The following HDLBP variants were observed in gnomAD, a reference collection of about 807,000 sequenced individuals.
The protein encoded by HDLBP is high density lipoprotein binding protein.
In HDLBP, 30 loss-of-function variants were observed where a neutral mutation model predicts 137.3. The observed-to-expected ratio is 0.22, with a 90% CI of 0.16 to 0.30. The LOEUF (loss-of-function observed/expected upper bound fraction) is 0.30, where lower values mean the gene tolerates loss of function less well. Among genes scored for constraint, HDLBP ranks in the 10% least tolerant of loss-of-function variants. HDLBP has a pLI of 1.00. For synonymous variants in HDLBP, 606 were observed against 596.0 expected (o/e 1.02, Z -0.24); for missense variants, 1,119 against 1,667.3 (o/e 0.67, Z 5.73).
intron 1 of HDLBP, among the ~76,000 whole-genome samples, chr2:241,294,507 C>G (rs2075111433): frequency 6.6e-6 from 1 of 152,138 alleles, no homozygotes; most frequent in South Asian, 2.1e-4. Flanking sequence ...GCTGCCCAGG[C>G]TGCAGTACAG....
chr2:241,284,923 G>A (rs2074746854), intron 1 of HDLBP, among the ~76,000 whole-genome samples: 2 of 152,174 alleles, frequency 1.3e-5, no homozygotes, highest in Non-Finnish European at 2.9e-5. Flanking sequence ...TGCCCAGACT[G>A]GAGTGCAGTG....
intron 1 of HDLBP, among the ~76,000 whole-genome samples, chr2:241,306,654 C>T (rs1345520488): frequency 1.3e-5 from 2 of 152,170 alleles, no homozygotes; most frequent in South Asian, 2.1e-4. Flanking sequence ...CCTATTATCA[C>T]AGCACTTCAT....
At chr2:241,308,186 G>A (rs1488107814) in intron 1 of HDLBP, among the ~76,000 whole-genome samples, 2 of 152,162 alleles carry the variant, frequency 1.3e-5, no homozygotes, top group Non-Finnish European at 1.5e-5. Context: ...CAGTGAGACA[G>A]CAATCTTGTT....
At chr2:241,307,156 AT>A (rs2075610248) in intron 1 of HDLBP, among the ~76,000 whole-genome samples, 1 of 152,156 alleles carries the variant, frequency 6.6e-6, no homozygotes, top group Admixed American at 6.5e-5. Flanking sequence ...GAAATAATCA[AT>A]ATCCTGCCTT....
At position 241,256,692 on chromosome 2, in the gene HDLBP, G is replaced by C; in HGVS notation, c.565C>G (p.Pro189Ala). 1 of 1,614,176 alleles carries C rather than the reference G, an allele frequency of 6.2e-7. No homozygotes were observed. The highest frequency in any genetic ancestry group is 2.2e-5 in the East Asian group (1 of 44,888). The change falls in exon 6 of 28, where the codon CCA (proline) becomes GCA (alanine). Residue 189 changes from proline to alanine, a missense_variant. By Grantham distance (27) the Pro-to-Ala change is conservative (BLOSUM62 -1). Coordinates refer to ENST00000310931, the MANE Select transcript of HDLBP (RefSeq NM_005336.6). ...TTGATCTGATTGCTGGGGTCATCTG[G>C]GCGTGGGATCTGGATTTTGGTTGCA... ...KTATKIQIPR[P>A]DDPSNQIKIT...
chr2:241,236,326 A>T, intron 21 of HDLBP: 1 of 438,584 alleles, frequency 2.3e-6, no homozygotes, highest in Non-Finnish European at 4.1e-6. Flanking sequence ...CCTGCAGCTG[A>T]GACCCTTCCA....
In HDLBP at chr2:241,239,499, T is replaced by C. The variant is rs79098018; in HGVS notation, c.2610+103A>G. ...CCTTCTGAAGCCTTCCAGGGCTGTA[T>C]GAGGGAGTCACCTCCCTACAGGGTG... On this transcript the variant is annotated intron_variant, in intron 19 of 27. Coordinates refer to ENST00000310931, the MANE Select transcript of HDLBP (RefSeq NM_005336.6). The surrounding 1 kb of genome is among the most constrained non-coding windows in gnomAD (Gnocchi z 4.6). 6.6e-6 allele frequency: 6 copies of C among 911,402 alleles called. No individual in the cohort carries two copies. Among genetic ancestry groups the C allele is most frequent in the African/African-American group, 1.6e-5 (1 of 61,394 alleles). The allele number at this position is 911,402 out of a possible 1,614,324, so 56.5% of individuals were successfully genotyped here.
chr2:241,288,324 C>T (rs1170962522), intron 1 of HDLBP, among the ~76,000 whole-genome samples: 2 of 152,094 alleles, frequency 1.3e-5, no homozygotes, highest in Non-Finnish European at 2.9e-5. Flanking sequence ...AAACTGAGAA[C>T]AAGATACATA....
intron 16 of HDLBP, 22 bp from the exon 17 acceptor site, chr2:241,242,700 G>C (rs771331582): frequency 6.3e-7 from 1 of 1,596,146 alleles, no homozygotes; most frequent in South Asian, 1.1e-5. Context: ...CACAGGGCAG[G>C]AGGAGGAAGT....
chr2:241,234,682 G>A (rs960451777), intron 23 of HDLBP, among the ~76,000 whole-genome samples: 14 of 152,194 alleles, frequency 9.2e-5, no homozygotes, highest in African/African-American at 2.9e-4. Context: ...TCCTTCAAAC[G>A]TCAGCCTTGC....
At chr2:241,268,227 T>G (rs2073823293) in intron 2 of HDLBP, among the ~76,000 whole-genome samples, 1 of 152,156 alleles carries the variant, frequency 6.6e-6, no homozygotes, top group African/African-American at 2.4e-5. Flanking sequence ...TGAATAAACA[T>G]AATTCACATT....
chr2:241,301,394 T>C (rs2075391754), intron 1 of HDLBP, among the ~76,000 whole-genome samples: 1 of 152,070 alleles, frequency 6.6e-6, no homozygotes, highest in African/African-American at 2.4e-5. Flanking sequence ...TTTGAAACAG[T>C]CAAATGAGCT....
chr2:241,255,503 T>C lies in HDLBP; in HGVS notation c.951A>G (p.Ser317=). 6.2e-7 allele frequency: 1 copy of C among 1,614,062 alleles called. No individual in the cohort carries two copies. The change falls in exon 8 of 28, where the codon TCA becomes TCG. Residue 317 remains serine (S), a synonymous_variant. Transcript: ENST00000310931. ...CAGTTCTCTCAAGGATCTCCTGCAA[T>C]GAATTGCCCTTGGGCCCAATGACAT... is the stretch of plus-strand genomic sequence containing the variant. The part of the protein sequence containing the change: ...HKYVIGPKGN[S]LQEILERTGV...
intron 1 of HDLBP, among the ~76,000 whole-genome samples, chr2:241,283,180 T>G (rs1190213275): frequency 6.6e-6 from 1 of 152,194 alleles, no homozygotes; most frequent in Non-Finnish European, 1.5e-5. Flanking sequence ...AACCAAAGCC[T>G]AATCCAGAGC....
At chr2:241,310,396 A>G (rs2075723637) in intron 1 of HDLBP, among the ~76,000 whole-genome samples, 1 of 152,214 alleles carries the variant, frequency 6.6e-6, no homozygotes, top group Non-Finnish European at 1.5e-5. Flanking sequence ...GTCGATTTCA[A>G]AAGTGCTGAC....
intron 17 of HDLBP, among the ~76,000 whole-genome samples, chr2:241,241,146 G>A (rs2071171947): frequency 6.6e-6 from 1 of 152,072 alleles, no homozygotes; most frequent in Admixed American, 6.6e-5. Context: ...CGCAAGGCTG[G>A]TTAAACACAA....
intron 1 of HDLBP, among the ~76,000 whole-genome samples, chr2:241,309,283 A>G (rs1358706482): frequency 6.6e-6 from 1 of 152,182 alleles, no homozygotes; most frequent in African/African-American, 2.4e-5. Flanking sequence ...ACCTCCGTGA[A>G]AGTGCAGGAG....
chr2:241,274,156 C>T (rs996311920), intron 1 of HDLBP, among the ~76,000 whole-genome samples: 1 of 152,000 alleles, frequency 6.6e-6, no homozygotes, highest in African/African-American at 2.4e-5. Flanking sequence ...GGTGTGATGC[C>T]CTGACTGGGC....
chr2:241,267,680 C>A (rs758688174), intron 2 of HDLBP: 1 of 1,535,608 alleles, frequency 6.5e-7, no homozygotes, highest in South Asian at 1.2e-5. Flanking sequence ...CTCCAAATCT[C>A]GACTTAACCA....
Sources: gnomAD v4.1 joint callset for allele counts (sites outside exome capture counted in the v4.1 genomes callset) on GRCh38, gnomAD v4.1.1 for gene constraint, Gnocchi (gnomAD v3.1) non-coding constraint, MANE v1.5 for transcripts, NCBI Gene and HGNC (gene_info 2026-07-23, HGNC 2026-07-21) for gene names.